The following CEP112 variants were observed in gnomAD, a reference collection of about 807,000 sequenced individuals.
CEP112 encodes centrosomal protein 112.
In CEP112, 127 loss-of-function variants were observed where a neutral mutation model predicts 153.0. That is an observed-to-expected ratio of 0.83 (90% confidence interval 0.72 to 0.96). The LOEUF (loss-of-function observed/expected upper bound fraction) is 0.96, where lower values mean the gene tolerates loss of function less well. CEP112 is among the 40% of genes least tolerant of loss of function. CEP112 has a pLI of 0.00. For synonymous variants in CEP112, 358 were observed against 374.4 expected, an observed-to-expected ratio of 0.96 and a Z score of 0.51; for missense variants, 1,089 against 1,101.2, an observed-to-expected ratio of 0.99 and a Z score of 0.16.
intron 12 of CEP112, among the ~76,000 whole-genome samples, chr17:66,035,592 GC>G (rs2065704210): frequency 6.6e-6 from 1 of 152,140 alleles, no homozygotes. Flanking sequence ...TCACACTTCT[GC>G]TTATTTACCC....
intron 21 of CEP112, among the ~76,000 whole-genome samples, chr17:65,825,248 T>C (rs2146055352): frequency 6.6e-6 from 1 of 152,360 alleles, no homozygotes; most frequent in Admixed American, 6.5e-5. Context: ...TACTACTATA[T>C]AATTCCATTC....
chr17:65,856,510 T>C (rs1321099436), intron 20 of CEP112, among the ~76,000 whole-genome samples: 2 of 152,232 alleles, frequency 1.3e-5, no homozygotes, highest in Admixed American at 1.3e-4. Flanking sequence ...TTATTGTGCG[T>C]TTCTATCCCC....
At position 65,689,196 on chromosome 17, in the gene CEP112, T is replaced by G. The variant is rs780676410; in HGVS notation, c.2630A>C (p.Asn877Thr). The change falls in exon 24 of 27, where the codon AAC (asparagine) becomes ACC (threonine). Residue 877 changes from asparagine (N) to threonine (T), a missense_variant. By Grantham distance (65) the Asn-to-Thr change is moderately conservative. Transcript: ENST00000535342. The part of the protein sequence containing the change: ...AIKVLQDELE[N>T]RSNQVRCAEK... ...TGCACATCGCACCTGATTAGAACGG[T>G]TTTCTAATTCATCTTGTAAAACCTG... 3 of 1,612,466 alleles carry G rather than the reference T, an allele frequency of 1.9e-6. No individual in the cohort carries two copies. The Admixed American group carries it at 5.0e-5, about 27-fold the overall frequency.
intron 16 of CEP112, among the ~76,000 whole-genome samples, chr17:66,026,533 T>G (rs1262659699): frequency 6.6e-6 from 1 of 152,204 alleles, no homozygotes; most frequent in African/African-American, 2.4e-5. Context: ...TCCCATTGAT[T>G]GTGTAGTTTT....
chr17:65,858,848 C>T (rs191145819), intron 20 of CEP112, among the ~76,000 whole-genome samples: 303 of 152,200 alleles, frequency 2.0e-3, no homozygotes, highest in East Asian at 7.9e-3. Context: ...TTAGGAAATA[C>T]GTTGACATTG....
At chr17:66,132,036 G>T (rs1175347336) in intron 5 of CEP112, among the ~76,000 whole-genome samples, 1 of 151,208 alleles carries the variant, frequency 6.6e-6, no homozygotes, top group Non-Finnish European at 1.5e-5. Context: ...AGGCATGGTG[G>T]TGCATGCCTG....
chr17:65,870,914 C>A (rs1256858893), intron 20 of CEP112, among the ~76,000 whole-genome samples: 3 of 152,192 alleles, frequency 2.0e-5, no homozygotes, highest in African/African-American at 7.2e-5. Flanking sequence ...GTTTTCAACA[C>A]CCTCTCCACT....
At chr17:66,141,566 T>C in intron 4 of CEP112, among the ~76,000 whole-genome samples, 1 of 152,014 alleles carries the variant, frequency 6.6e-6, no homozygotes, top group South Asian at 2.1e-4. Flanking sequence ...AACTCCCCAT[T>C]TTCCCCGTCT....
chr17:65,986,925 T>C (rs935139), intron 17 of CEP112, among the ~76,000 whole-genome samples: 79,049 of 151,830 alleles, frequency 0.52, 21,575 homozygotes, highest in African/African-American at 0.6. Context: ...CCTAGAAAAG[T>C]GTACAAACAG....
chr17:66,079,912 G>T (rs1053114334), intron 8 of CEP112, among the ~76,000 whole-genome samples: 1 of 152,114 alleles, frequency 6.6e-6, no homozygotes, highest in Non-Finnish European at 1.5e-5. Context: ...ATGGGGAAAG[G>T]ATTCCCTATT....
chr17:66,055,047 C>T (rs563807621), intron 11 of CEP112, among the ~76,000 whole-genome samples: 3 of 152,150 alleles, frequency 2.0e-5, no homozygotes, highest in South Asian at 4.2e-4. Context: ...TGTGAGCCAC[C>T]GTGCCTGGCC....
intron 19 of CEP112, among the ~76,000 whole-genome samples, chr17:65,910,055 G>A (rs999325313): frequency 6.6e-6 from 1 of 152,082 alleles, no homozygotes; most frequent in Non-Finnish European, 1.5e-5. Flanking sequence ...TAGAATATAG[G>A]AAGGAGTTAG....
At chr17:65,653,612 G>A (rs933566756) in intron 24 of CEP112, among the ~76,000 whole-genome samples, 1 of 152,190 alleles carries the variant, frequency 6.6e-6, no homozygotes, top group Non-Finnish European at 1.5e-5. Flanking sequence ...AAGGGCCAGA[G>A]GAGGTGGGCA....
intron 21 of CEP112, among the ~76,000 whole-genome samples, chr17:65,776,653 C>T (rs548460050): frequency 6.6e-6 from 1 of 152,304 alleles, no homozygotes; most frequent in South Asian, 2.1e-4. Context: ...AATACTTAAT[C>T]ATAAATAAAA....
intron 4 of CEP112, among the ~76,000 whole-genome samples, chr17:66,145,447 T>C (rs2070881137): frequency 6.6e-6 from 1 of 152,146 alleles, no homozygotes; most frequent in South Asian, 2.1e-4. Flanking sequence ...TAGAAATCTT[T>C]GCCTGTTCCA....
intron 6 of CEP112, among the ~76,000 whole-genome samples, chr17:66,105,804 C>A (rs546384109): frequency 6.6e-6 from 1 of 152,108 alleles, no homozygotes; most frequent in Non-Finnish European, 1.5e-5. Context: ...AAAAAATGAG[C>A]CTAATAACTA....
At chr17:65,802,349 C>A (rs891265590) in intron 21 of CEP112, among the ~76,000 whole-genome samples, 1 of 152,120 alleles carries the variant, frequency 6.6e-6, no homozygotes, top group Admixed American at 6.6e-5. Flanking sequence ...TTTCTCTGGG[C>A]AATATCATAC....
chr17:66,101,621 T>C (rs1214043584), intron 6 of CEP112, among the ~76,000 whole-genome samples: 2 of 14,022 alleles, frequency 1.4e-4, no homozygotes, highest in Non-Finnish European at 2.2e-4. Flanking sequence ...ATTTTCATCA[T>C]AAAAATTGTA....
At chr17:65,779,106 T>C (rs2053858366) in intron 21 of CEP112, among the ~76,000 whole-genome samples, 1 of 152,146 alleles carries the variant, frequency 6.6e-6, no homozygotes, top group African/African-American at 2.4e-5. Context: ...AAGTTGATGA[T>C]AAAAAATAAC....
Sources: allele counts gnomAD v4.1 joint callset (sites outside exome capture counted in the v4.1 genomes callset), GRCh38; gene constraint gnomAD v4.1.1; transcripts MANE v1.5; gene names NCBI Gene and HGNC (gene_info 2026-07-23, HGNC 2026-07-21).